Variants in DPP6 observed in about 807,000 individuals in gnomAD.
DPP6 encodes the protein dipeptidyl peptidase like 6, also known as A-type potassium channel modulatory protein DPP6.
Under a neutral mutation model 122.6 loss-of-function variants are expected in DPP6, and 69 were observed. The observed-to-expected ratio is 0.56, with a 90% CI of 0.46 to 0.69. The LOEUF is 0.69. DPP6 is among the 30% of genes least tolerant of loss of function. The pLI, the probability that DPP6 is intolerant of heterozygous loss-of-function variation, is 0.00. For missense variants in DPP6, 928 were observed against 1,116.9 expected, an observed-to-expected ratio of 0.83 and a Z score of 2.41; for synonymous variants, 418 against 433.1, an observed-to-expected ratio of 0.97 and a Z score of 0.43.
intron 1 of DPP6, among the ~76,000 whole-genome samples, chr7:154,015,975 AT>A (rs973151936): frequency 1.1e-4 from 17 of 152,238 alleles, no homozygotes; most frequent in African/African-American, 4.1e-4. Flanking sequence ...CTCGGCCCTT[AT>A]AAGACCCCTT....
At chr7:154,425,102 A>G (rs1817775850) in intron 1 of DPP6, among the ~76,000 whole-genome samples, 1 of 152,210 alleles carries the variant, frequency 6.6e-6, no homozygotes. Context: ...TTTCCAAAAG[A>G]AGAACAGACT....
At chr7:154,397,368 G>T (rs1586157656) in intron 1 of DPP6, among the ~76,000 whole-genome samples, 1 of 152,040 alleles carries the variant, frequency 6.6e-6, no homozygotes, top group Middle Eastern at 3.4e-3. Flanking sequence ...CCTGAGAAAG[G>T]AATAGAAGAA....
intron 1 of DPP6, among the ~76,000 whole-genome samples, chr7:154,310,025 G>A (rs895342327): frequency 6.6e-6 from 1 of 152,190 alleles, no homozygotes; most frequent in Non-Finnish European, 1.5e-5. Context: ...GGGACTCATG[G>A]ACTTCCAGAG....
At chr7:154,219,477 G>T (rs537123822) in intron 1 of DPP6, among the ~76,000 whole-genome samples, 1 of 152,366 alleles carries the variant, frequency 6.6e-6, no homozygotes, top group South Asian at 2.1e-4. Context: ...GTTGAAGAAG[G>T]AAGACCTTTC....
intron 1 of DPP6, among the ~76,000 whole-genome samples, chr7:153,978,656 G>T (rs1325234711): frequency 6.6e-6 from 1 of 152,048 alleles, no homozygotes; most frequent in African/African-American, 2.4e-5. Context: ...GTATTGCCTA[G>T]GTTTTCTTCT....
At chr7:154,617,357 G>A (rs1057406500) in intron 5 of DPP6, among the ~76,000 whole-genome samples, 3 of 152,198 alleles carry the variant, frequency 2.0e-5, no homozygotes, top group Non-Finnish European at 4.4e-5. Flanking sequence ...AAGGATCCTG[G>A]AATTACAGCA....
At chr7:154,714,306 T>C (rs1841358179) in intron 7 of DPP6, among the ~76,000 whole-genome samples, 1 of 152,216 alleles carries the variant, frequency 6.6e-6, no homozygotes, top group Admixed American at 6.5e-5. Flanking sequence ...GTTACCCAGT[T>C]CCAAAGTAGC....
chr7:154,578,474 C>T (rs1586669226), intron 5 of DPP6, among the ~76,000 whole-genome samples: 2 of 151,616 alleles, frequency 1.3e-5, no homozygotes, highest in African/African-American at 4.9e-5. Flanking sequence ...TCCTGGCAGG[C>T]TGCGTGCAAG....
chr7:154,461,012 C>T (rs1360050645), intron 2 of DPP6, among the ~76,000 whole-genome samples: 1 of 151,896 alleles, frequency 6.6e-6, no homozygotes, highest in Admixed American at 6.6e-5. Context: ...CCACCACTAC[C>T]CTTCCCAACC....
At chr7:154,852,602 C>A (rs961409605) in intron 16 of DPP6, among the ~76,000 whole-genome samples, 1 of 152,100 alleles carries the variant, frequency 6.6e-6, no homozygotes, top group Non-Finnish European at 1.5e-5. Flanking sequence ...AACATCCAAT[C>A]GAGCACAACT....
At chr7:154,441,025 C>T (rs1819328766) in intron 1 of DPP6, among the ~76,000 whole-genome samples, 1 of 152,146 alleles carries the variant, frequency 6.6e-6, no homozygotes, top group South Asian at 2.1e-4. Flanking sequence ...GCCAGACTTA[C>T]ATTACATGAA....
chr7:153,958,540 A>T (rs543076686), intron 1 of DPP6, among the ~76,000 whole-genome samples: 5 of 152,220 alleles, frequency 3.3e-5, no homozygotes, highest in Admixed American at 1.3e-4. Flanking sequence ...CCCCAGCTAC[A>T]CTTGCAGGTC....
At chr7:154,238,780 T>C (rs1004327759) in intron 1 of DPP6, among the ~76,000 whole-genome samples, 3 of 152,224 alleles carry the variant, frequency 2.0e-5, no homozygotes, top group Admixed American at 6.5e-5. Context: ...ATGAAAATTA[T>C]TTGAGATACA....
intron 1 of DPP6, among the ~76,000 whole-genome samples, chr7:154,245,055 A>G (rs1251299811): frequency 6.6e-6 from 1 of 150,584 alleles, no homozygotes; most frequent in Non-Finnish European, 1.5e-5. Flanking sequence ...GGTTCAAGTG[A>G]TTCTCCTGCC....
intron 1 of DPP6, among the ~76,000 whole-genome samples, chr7:154,138,945 C>A (rs2373615): frequency 1.3e-5 from 2 of 152,042 alleles, no homozygotes; most frequent in Non-Finnish European, 2.9e-5. Flanking sequence ...ATACCCTAAA[C>A]ACCTCCTGTC....
chr7:153,937,100 G>T (rs931726184), intron 1 of DPP6, among the ~76,000 whole-genome samples: 1 of 152,152 alleles, frequency 6.6e-6, no homozygotes, highest in Non-Finnish European at 1.5e-5. Flanking sequence ...TCCCAGGAAA[G>T]CAGCTGGGGA....
chr7:154,737,811 TG>T (rs1159245087), intron 8 of DPP6, among the ~76,000 whole-genome samples: 1 of 152,246 alleles, frequency 6.6e-6, no homozygotes, highest in African/African-American at 2.4e-5. Context: ...GTGTGTCTCA[TG>T]GCACAGATTT....
intron 1 of DPP6, chr7:154,093,593 A>G (rs906248319): frequency 1.4e-5 from 2 of 138,900 alleles, no homozygotes; most frequent in Admixed American, 7.2e-5. Flanking sequence ...CACACACACC[A>G]TACCCCACAC....
At chr7:153,915,967 A>G (rs1800289492) in intron 1 of DPP6, among the ~76,000 whole-genome samples, 1 of 151,466 alleles carries the variant, frequency 6.6e-6, no homozygotes, top group Non-Finnish European at 1.5e-5. Flanking sequence ...TTATTTATTT[A>G]TTTATTTATT....
Sources: allele counts gnomAD v4.1 joint callset (sites outside exome capture counted in the v4.1 genomes callset), GRCh38; gene constraint gnomAD v4.1.1; transcripts MANE v1.5; gene names NCBI Gene and HGNC (gene_info 2026-07-23, HGNC 2026-07-21).